The following KIF13B variants were observed in gnomAD, a reference collection of about 807,000 sequenced individuals.
KIF13B encodes the protein kinesin-like protein KIF13B.
In KIF13B, 127 loss-of-function variants were observed where a neutral mutation model predicts 222.0. The ratio of observed to expected loss-of-function variants is 0.57; its 90% CI spans 0.50 to 0.66. KIF13B has a LOEUF of 0.66. Among genes scored for constraint, KIF13B ranks in the 30% least tolerant of loss-of-function variants. The pLI is 0.00. For synonymous variants in KIF13B, 976 were observed against 919.0 expected (o/e 1.06, Z -1.12); for missense variants, 2,173 against 2,379.0 (o/e 0.91, Z 1.80).
intron 12 of KIF13B, among the ~76,000 whole-genome samples, chr8:29,165,228 A>C (rs1350605473): frequency 6.6e-6 from 1 of 152,100 alleles, no homozygotes; most frequent in Admixed American, 6.6e-5. Context: ...ATTTCATCTT[A>C]CTTTCACTGG....
chr8:29,172,009 C>T (rs1469435720), intron 10 of KIF13B, among the ~76,000 whole-genome samples: 5 of 150,976 alleles, frequency 3.3e-5, no homozygotes, highest in Admixed American at 1.3e-4. Flanking sequence ...CTGTCCACCT[C>T]GGCCCCCCAA....
rs768334452 is a variant in KIF13B at position 29,147,426 on chromosome 8, C to T, written c.1990G>A (p.Ala664Thr). 42 of 1,609,998 alleles carry T rather than the reference C, an allele frequency of 2.6e-5. No individual in the cohort carries two copies. The highest frequency in any genetic ancestry group is 2.8e-5 in the Non-Finnish European group (33 of 1,178,292). The stretch of plus-strand genomic sequence containing the variant: ...GCCCACTGTCTTAAGCGTTGCTGAG[C>T]GCTGGGCGAGTGGAAAGAAAACCTG... ...MDRFSFHSPSAQQRLRQWAEE... is the reference protein window; with the variant it reads ...MDRFSFHSPSTQQRLRQWAEE... Residue 664 changes from alanine (A) to threonine (T), a missense_variant, in exon 17 of 40, where the codon GCT becomes ACT. Physicochemically the swap from Ala to Thr is moderately conservative, Grantham distance 58. Coordinates refer to ENST00000524189, the MANE Select transcript of KIF13B (RefSeq NM_015254.4).
chr8:29,075,207 G>T, intron 38 of KIF13B, 74 bp downstream of exon 38: 1 of 1,157,808 alleles, frequency 8.6e-7, no homozygotes, highest in Non-Finnish European at 1.3e-6. Flanking sequence ...TGTGGGTGTG[G>T]ACTCAACAGT....
At chr8:29,111,137 A>G (rs1809335829) in intron 32 of KIF13B, among the ~76,000 whole-genome samples, 1 of 152,234 alleles carries the variant, frequency 6.6e-6, no homozygotes, top group African/African-American at 2.4e-5. Context: ...GAGCCTTGTA[A>G]TAACCATGAA....
At chr8:29,133,404 C>G (rs1563728788) in intron 22 of KIF13B, among the ~76,000 whole-genome samples, 2 of 152,160 alleles carry the variant, frequency 1.3e-5, no homozygotes, top group Non-Finnish European at 2.9e-5. Flanking sequence ...GCTTGGCCAA[C>G]ACGGTGAAAC....
chr8:29,221,140 T>C (rs1488751973), intron 2 of KIF13B, among the ~76,000 whole-genome samples: 59 of 141,404 alleles, frequency 4.2e-4, no homozygotes, highest in Admixed American at 2.5e-3. Flanking sequence ...TCTCACTCTG[T>C]CACCCAGGCT....
At chr8:29,156,990 C>G (rs768931203) in intron 13 of KIF13B, among the ~76,000 whole-genome samples, 5 of 152,148 alleles carry the variant, frequency 3.3e-5, no homozygotes, top group African/African-American at 4.8e-5. Flanking sequence ...CACCACCAGT[C>G]AGTCAACTGA....
At chr8:29,099,105 G>A in intron 36 of KIF13B, 28 bp downstream of exon 36, 2 of 1,499,702 alleles carry the variant, frequency 1.3e-6, no homozygotes, top group Middle Eastern at 1.7e-4. Context: ...ATTTCTGACA[G>A]TAATTGACAA....
At chr8:29,182,186 CATA>C (rs1183613090) in intron 6 of KIF13B, among the ~76,000 whole-genome samples, 180 bp from the exon 7 acceptor site, 1 of 152,230 alleles carries the variant, frequency 6.6e-6, no homozygotes, top group Non-Finnish European at 1.5e-5. Context: ...AAGAAAACTT[CATA>C]ATGTGATTAA....
chr8:29,181,843 C>T (rs1274704661), intron 7 of KIF13B, 76 bp downstream of exon 7: 1 of 960,598 alleles, frequency 1.0e-6, no homozygotes, highest in Non-Finnish European at 1.6e-6. Context: ...TTAAAAATAA[C>T]AAATTAAGCC....
intron 16 of KIF13B, among the ~76,000 whole-genome samples, chr8:29,148,352 T>G (rs1811149033): frequency 6.6e-6 from 1 of 151,934 alleles, no homozygotes; most frequent in African/African-American, 2.4e-5. Context: ...TTTTCCTTTT[T>G]GTTAACATTT....
At chr8:29,183,906 C>T (rs1361379372) in intron 6 of KIF13B, among the ~76,000 whole-genome samples, 2 of 152,128 alleles carry the variant, frequency 1.3e-5, no homozygotes, top group African/African-American at 2.4e-5. Context: ...CAATCACTAA[C>T]ACCCATAATA....
chr8:29,254,155 T>G (rs982690631), intron 1 of KIF13B, among the ~76,000 whole-genome samples: 1 of 152,212 alleles, frequency 6.6e-6, no homozygotes, highest in Non-Finnish European at 1.5e-5. Context: ...AAGAATGAAG[T>G]TGGATCCCTA....
At chr8:29,210,777 CAG>C in intron 2 of KIF13B, among the ~76,000 whole-genome samples, 1 of 152,178 alleles carries the variant, frequency 6.6e-6, no homozygotes, top group Admixed American at 6.5e-5. Flanking sequence ...AAGAATGTTT[CAG>C]AGAGTTTTCA....
At chr8:29,228,151 G>GA (rs963805955) in intron 2 of KIF13B, among the ~76,000 whole-genome samples, 1 of 151,364 alleles carries the variant, frequency 6.6e-6, no homozygotes, top group Non-Finnish European at 1.5e-5. Context: ...GCATAGTGTT[G>GA]AAAGTGTGAC....
chr8:29,208,968 C>G (rs1189585949), intron 2 of KIF13B, among the ~76,000 whole-genome samples: 1 of 152,156 alleles, frequency 6.6e-6, no homozygotes, highest in Admixed American at 6.5e-5. Context: ...GGCCAACTCC[C>G]TTGCTGGAGT....
In KIF13B at chr8:29,201,075, G is replaced by A. The variant is rs568530516; in HGVS notation, c.150-4876C>T. Among the ~76,000 whole-genome samples the A allele has an allele frequency of 4.7e-4, 71 of 152,280 alleles. 1 individual carries two copies. The highest frequency in any genetic ancestry group is 1.4e-3 in the African/African-American group (60 of 41,564). ...AACTTTTAAACTATGTAAACACTCT[G>A]TTTCTCATCGTCATACTTTCACCTG... On this transcript the variant is annotated intron_variant, in intron 2 of 39. Transcript: ENST00000524189.
intron 16 of KIF13B, among the ~76,000 whole-genome samples, chr8:29,147,926 A>G: frequency 6.6e-6 from 1 of 152,250 alleles, no homozygotes; most frequent in South Asian, 2.1e-4. Context: ...GACCGGGCAC[A>G]GTGGCTCACA....
intron 37 of KIF13B, among the ~76,000 whole-genome samples, chr8:29,080,414 G>A (rs1389572332): frequency 6.6e-6 from 1 of 151,154 alleles, no homozygotes; most frequent in Non-Finnish European, 1.5e-5. Flanking sequence ...AGGTTGTCCT[G>A]ACCAGGGGCC....
Sources: allele counts gnomAD v4.1 joint callset (sites outside exome capture counted in the v4.1 genomes callset), GRCh38; gene constraint gnomAD v4.1.1; transcripts MANE v1.5; gene names NCBI Gene and HGNC (gene_info 2026-07-23, HGNC 2026-07-21).